CDKN2B-AS1: variants seen among roughly 807,000 people sequenced by gnomAD.
The protein encoded by CDKN2B-AS1 is CDKN2B antisense RNA 1 (non-protein coding).
intron 4 of CDKN2B-AS1, among the ~76,000 whole-genome samples, chr9:22,062,986 C>CACAT (rs374229516): frequency 7.3e-6 from 1 of 136,772 alleles, no homozygotes; most frequent in Non-Finnish European, 1.6e-5. Context: ...GACACACACA[C>CACAT]ATATATATAT....
At chr9:22,012,706 A>G (rs549096844) in intron 1 of CDKN2B-AS1, among the ~76,000 whole-genome samples, 9 of 152,296 alleles carry the variant, frequency 5.9e-5, no homozygotes, top group African/African-American at 1.2e-4. Flanking sequence ...ACACTTTTGC[A>G]TATGATTAGG....
intron 1 of CDKN2B-AS1, chr9:22,003,908 G>A (rs1435186567): frequency 8.6e-6 from 2 of 232,348 alleles, no homozygotes; most frequent in Non-Finnish European, 1.7e-5. Flanking sequence ...ATCTTCATGT[G>A]TATCATTCAT....
intron 4 of CDKN2B-AS1, among the ~76,000 whole-genome samples, chr9:22,099,961 T>G (rs1276719753): frequency 6.6e-6 from 1 of 152,164 alleles, no homozygotes; most frequent in Admixed American, 6.5e-5. Flanking sequence ...TTTCATTGTG[T>G]TCTATTTTGT....
chr9:22,094,052 T>G (rs1370080400), intron 4 of CDKN2B-AS1, among the ~76,000 whole-genome samples: 3 of 144,380 alleles, frequency 2.1e-5, no homozygotes, highest in Admixed American at 6.7e-5. Flanking sequence ...TTCTGTAAAG[T>G]ATTTTATTTC....
chr9:22,029,415 T>A (rs757362299), intron 1 of CDKN2B-AS1: 10 of 779,370 alleles, frequency 1.3e-5, no homozygotes, highest in Non-Finnish European at 2.2e-5. Flanking sequence ...AAATCCAGAT[T>A]TTTTGGATGT....
chr9:22,085,791 C>T (rs1427841586), intron 4 of CDKN2B-AS1, among the ~76,000 whole-genome samples: 1 of 151,598 alleles, frequency 6.6e-6, no homozygotes, highest in South Asian at 2.1e-4. Context: ...TGATCCTTGA[C>T]CTCCCTCCTT....
chr9:22,043,823 C>A (rs910192847), intron 1 of CDKN2B-AS1, among the ~76,000 whole-genome samples: 4 of 151,898 alleles, frequency 2.6e-5, no homozygotes, highest in Non-Finnish European at 5.9e-5. Flanking sequence ...AAATATGTTA[C>A]TACTAAATTA....
At chr9:22,127,089 T>C (rs1170566743) in intron 4 of CDKN2B-AS1, among the ~76,000 whole-genome samples, 1 of 152,166 alleles carries the variant, frequency 6.6e-6, no homozygotes, top group Non-Finnish European at 1.5e-5. Flanking sequence ...TTTCTTTTTC[T>C]TTTCTTTTTT....
At position 22,110,659 on chromosome 9, in the gene CDKN2B-AS1, G is replaced by A. The variant is rs144175378; in HGVS notation, n.439-16444G>A. Among the ~76,000 whole-genome samples, 72 of 152,070 alleles carry A rather than the reference G, an allele frequency of 4.7e-4. 2 individuals are homozygous for A. The East Asian group carries it at 0.013, about 27-fold the overall frequency. ...TCTTGCAATCATTGTGTATAAGTGC[G>A]TAAACCATGTATCTAGAGTTTATAG... On this transcript the variant is annotated intron_variant and non_coding_transcript_variant, in intron 4 of 4. Coordinates refer to ENST00000650946, the Ensembl canonical transcript of CDKN2B-AS1.
At position 21,999,022 on chromosome 9, in the gene CDKN2B-AS1, A is replaced by G. The variant is rs1312697760; in HGVS notation, n.29+3861A>G. On this transcript the variant is annotated intron_variant and non_coding_transcript_variant, in intron 1 of 4. Transcript: ENST00000650946. The surrounding 1 kb of genome is among the most constrained non-coding windows in gnomAD (Gnocchi z 4.7). ...AGTTTATAGTAGAATATGTGCAAATAGTAAAAAATAAAAAGATAATCTTAC... is the reference window on the plus strand; with the variant it reads ...AGTTTATAGTAGAATATGTGCAAATGGTAAAAAATAAAAAGATAATCTTAC... 6.6e-6 allele frequency among the ~76,000 whole-genome samples: 1 copy of G among 152,198 alleles called. No homozygotes were observed. The highest frequency in any genetic ancestry group is 6.5e-5 in the Admixed American group (1 of 15,276).
intron 1 of CDKN2B-AS1, among the ~76,000 whole-genome samples, chr9:22,037,061 G>A (rs1272665291): frequency 1.3e-5 from 2 of 152,148 alleles, no homozygotes; most frequent in Admixed American, 6.6e-5. Context: ...TCACTACGCT[G>A]ATGGCAAGGA....
At chr9:22,057,734 G>A (rs1341196489) in intron 4 of CDKN2B-AS1, among the ~76,000 whole-genome samples, 2 of 150,782 alleles carry the variant, frequency 1.3e-5, no homozygotes, top group Non-Finnish European at 3.0e-5. Context: ...TTGAGCCTGC[G>A]AGGTGGAGGT....
chr9:22,014,014 A>T (rs1358346895), intron 1 of CDKN2B-AS1, among the ~76,000 whole-genome samples: 1 of 152,160 alleles, frequency 6.6e-6, no homozygotes, highest in Non-Finnish European at 1.5e-5. Context: ...TCACCAAGAG[A>T]CACATAATAT....
Position 22,012,567 on chromosome 9 carries a change from C to T in CDKN2B-AS1, n.29+17406C>T, listed in dbSNP as rs73652820. On this transcript the variant is annotated intron_variant and non_coding_transcript_variant, in intron 1 of 4. Coordinates refer to ENST00000650946, the Ensembl canonical transcript of CDKN2B-AS1. ...TCTTCCTTCCTCGGAGGGCAGCCTC[C>T]TGCCCAGGCCCCATGGCCCTGGAGC... is the stretch of plus-strand genomic sequence containing the variant. The T allele has an allele frequency of 4.3e-3, 2,267 of 524,218 alleles. 34 individuals are homozygous for T. The highest frequency in any genetic ancestry group is 0.039 in the African/African-American group (2,036 of 52,306). The allele number at this position is 524,218 out of a possible 1,614,324, so 32.5% of individuals were successfully genotyped here.
Position 22,006,255 on chromosome 9 carries a change from A to G in CDKN2B-AS1, n.29+11094A>G. 2.5e-6 allele frequency: 4 copies of G among 1,603,460 alleles called. No homozygotes were observed. The highest frequency in any genetic ancestry group is 3.4e-6 in the Non-Finnish European group (4 of 1,179,902). ...GCTGCCCATCATCATGACCTGCCAG[A>G]GAGAGCAGAGTGGTCAGAGCCAGGG... On this transcript the variant is annotated intron_variant and non_coding_transcript_variant, in intron 1 of 4. Transcript: ENST00000650946. This position sits in a 1 kb window ranked among gnomAD's most constrained non-coding sequence, Gnocchi z 6.4.
At chr9:22,019,269 A>G (rs1013351332) in intron 1 of CDKN2B-AS1, among the ~76,000 whole-genome samples, 2 of 152,248 alleles carry the variant, frequency 1.3e-5, no homozygotes, top group African/African-American at 4.8e-5. Flanking sequence ...TTTCAGTTAA[A>G]TTTAAAAAAT....
intron 4 of CDKN2B-AS1, among the ~76,000 whole-genome samples, chr9:22,076,049 G>C (rs1169920392): frequency 6.7e-6 from 1 of 149,280 alleles, no homozygotes; most frequent in African/African-American, 2.4e-5. Flanking sequence ...GATTGGAGAG[G>C]TTTTATTTTA....
intron 1 of CDKN2B-AS1, among the ~76,000 whole-genome samples, chr9:22,040,918 C>T (rs908702836): frequency 7.9e-5 from 12 of 152,012 alleles, no homozygotes; most frequent in African/African-American, 2.7e-4. Flanking sequence ...ACACAGTAAG[C>T]TTTGGTGCCA....
intron 4 of CDKN2B-AS1, among the ~76,000 whole-genome samples, chr9:22,057,982 TGG>T (rs1823642397): frequency 6.8e-6 from 1 of 148,066 alleles, no homozygotes; most frequent in Admixed American, 6.8e-5. Flanking sequence ...CCAGGTGTGG[TGG>T]TGGGCACCTG....
Sources: gnomAD v4.1 joint callset for allele counts (sites outside exome capture counted in the v4.1 genomes callset) on GRCh38, gnomAD v4.1.1 for gene constraint, Gnocchi (gnomAD v3.1) non-coding constraint, MANE v1.5 for transcripts, NCBI Gene and HGNC (gene_info 2026-07-23, HGNC 2026-07-21) for gene names.